The following CROCC2 variants were observed in gnomAD, a reference collection of about 807,000 sequenced individuals.
CROCC2 encodes the protein ciliary rootlet coiled-coil, rootletin family member 2.
Under a neutral mutation model 177.6 loss-of-function variants are expected in CROCC2, and 163 were observed. That is an observed-to-expected ratio of 0.92 (90% CI 0.81 to 1.05). The LOEUF (loss-of-function observed/expected upper bound fraction) is 1.05, where lower values mean the gene tolerates loss of function less well. Among genes scored for constraint, CROCC2 ranks in the 50% least tolerant of loss-of-function variants. The pLI is 0.00. For synonymous variants in CROCC2, 904 were observed against 787.3 expected, an observed-to-expected ratio of 1.15 and a Z score of -2.48; for missense variants, 1,929 against 1,797.8, an observed-to-expected ratio of 1.07 and a Z score of -1.32.
At chr2:240,931,485 C>A (rs2059430789) in intron 7 of CROCC2, among the ~76,000 whole-genome samples, 1 of 152,206 alleles carries the variant, frequency 6.6e-6, no homozygotes, top group Admixed American at 6.5e-5. Flanking sequence ...CATATAAAAA[C>A]CGAGGCAGGA....
At position 240,966,301 on chromosome 2, in the gene CROCC2, G is replaced by T. The variant is rs1410281503; in HGVS notation, c.4038G>T (p.Trp1346Cys). The change falls in exon 25 of 32, where the codon TGG (tryptophan) becomes TGT (cysteine). Residue 1346 changes from tryptophan to cysteine, a missense_variant. Trp to Cys is a radical substitution (Grantham distance 215). Coordinates refer to ENST00000690015, the MANE Select transcript of CROCC2 (RefSeq NM_001351305.2). ...CCAGGCCCCACTCGCCCCTCCGATG[G>T]CCCTCGCCCACACCCGGAGGCCGCA... ...PPARPHSPLR[W>C]PSPTPGGRSS... The T allele has an allele frequency of 6.8e-6, 3 of 439,624 alleles. No homozygotes were observed. Among genetic ancestry groups the T allele is most frequent in the Middle Eastern group, 3.0e-4 (1 of 3,284 alleles). 27.2% of individuals were successfully genotyped at this position (439,624 alleles called of 1,614,324 possible).
rs1170293815 is a variant in CROCC2, at chr2:240,932,794, T to C, written c.1137T>C (p.Arg379=). Residue 379 remains arginine, a synonymous_variant, in exon 9 of 32, where the codon CGT becomes CGC. Transcript: ENST00000690015. ...EPRRPLRSPQ[R]ATSPHQGASP... is the part of the protein sequence containing the mutation. ...GGCGCCCACTGAGGAGCCCCCAACGTGCCACATCCCCCCATCAAGGGGCGT... is the reference window on the plus strand; with the variant it reads ...GGCGCCCACTGAGGAGCCCCCAACGCGCCACATCCCCCCATCAAGGGGCGT... 3.4e-6 allele frequency: 5 copies of C among 1,476,104 alleles called. No individual in the cohort carries two copies. In the South Asian group the frequency reaches 6.1e-5, roughly 18 times the overall value. The allele number at this position is 1,476,104 out of a possible 1,614,324, so 91.4% of individuals were successfully genotyped here.
At chr2:240,966,777 G>A (rs1574785937) in intron 25 of CROCC2, among the ~76,000 whole-genome samples, 2 of 152,144 alleles carry the variant, frequency 1.3e-5, no homozygotes, top group Admixed American at 6.5e-5. Flanking sequence ...CTCCGGTGGG[G>A]CCAAGCTCCC....
At chr2:240,950,571 C>T (rs1334095342) in intron 18 of CROCC2, 61 bp downstream of exon 18, 2 of 1,493,800 alleles carry the variant, frequency 1.3e-6, no homozygotes, top group Non-Finnish European at 1.8e-6. Context: ...TCACCTCTGG[C>T]CCAGCACAAG....
At chr2:240,986,263 C>T (rs943385652) in intron 28 of CROCC2, among the ~76,000 whole-genome samples, 27 of 152,188 alleles carry the variant, frequency 1.8e-4, no homozygotes, top group African/African-American at 5.8e-4. Flanking sequence ...CCAGAGTCCC[C>T]GCGGAAGCTG....
intron 1 of CROCC2, among the ~76,000 whole-genome samples, chr2:240,912,033 G>A (rs1295889823): frequency 6.6e-6 from 1 of 152,174 alleles, no homozygotes; most frequent in Non-Finnish European, 1.5e-5. Context: ...GTCGCGCGGA[G>A]AGTCTACATT....
At chr2:240,907,067 T>G (rs4544434) in intron 1 of CROCC2, among the ~76,000 whole-genome samples, 1 of 151,850 alleles carries the variant, frequency 6.6e-6, no homozygotes, top group Non-Finnish European at 1.5e-5. Flanking sequence ...GGGGTGGGGA[T>G]GGGCAGGCAG....
chr2:240,933,619 G>T, intron 10 of CROCC2, 51 bp from the exon 11 acceptor site: 1 of 1,525,556 alleles, frequency 6.6e-7, no homozygotes, highest in Non-Finnish European at 8.9e-7. Context: ...GGCACGCGGT[G>T]CACCTTGAAT....
intron 28 of CROCC2, among the ~76,000 whole-genome samples, chr2:240,988,088 T>C (rs570392724): frequency 6.6e-6 from 1 of 151,926 alleles, no homozygotes; most frequent in South Asian, 2.1e-4. Context: ...CCTGCCAACT[T>C]TCCCATAGAA....
rs575681324 is a variant in CROCC2, at chr2:240,986,848, G to A, written c.4552-1891G>A. ...AGCCCCCTTCTGGGAGTAGGCAGGG[G>A]GCCCCCATCTGTGAAGTGGGGAAGG... is the stretch of plus-strand genomic sequence containing the variant. On this transcript the variant is annotated intron_variant, in intron 28 of 31. Coordinates refer to ENST00000690015, the MANE Select transcript of CROCC2 (RefSeq NM_001351305.2). 9.8e-5 allele frequency among the ~76,000 whole-genome samples: 15 copies of A among 152,326 alleles called. No homozygotes were observed. In the South Asian group the frequency reaches 1.7e-3, roughly 17 times the overall value.
rs1344960842 is a variant in CROCC2 at position 240,989,804 on chromosome 2, C to G, written c.4834C>G (p.Gln1612Glu). The change falls in exon 30 of 32, where the codon CAG (glutamine) becomes GAG (glutamate). Residue 1612 changes from glutamine to glutamate, a missense_variant. By Grantham distance (29) the Gln-to-Glu change is conservative. This residue lies in a region of CROCC2 where 388 missense variants were observed against 352.7 expected (regional missense o/e 1.10). Transcript: ENST00000690015. ...CCTGGAGTCCCAAGAATGGACCCAC[C>G]AGCAGCAGGTAAAGGTGCTGGAAGA... is the stretch of plus-strand genomic sequence containing the variant. ...QALESQEWTH[Q>E]QQVKVLEEQV... 1.3e-6 allele frequency: 2 copies of G among 1,548,320 alleles called. No homozygotes were observed. The highest frequency in any genetic ancestry group is 2.7e-5 in the African/African-American group (2 of 73,036).
chr2:240,952,050 TG>T (rs2059559612), intron 18 of CROCC2, among the ~76,000 whole-genome samples: 1 of 152,140 alleles, frequency 6.6e-6, no homozygotes, highest in South Asian at 2.1e-4. Context: ...TATAAGATGT[TG>T]GTACAAATTA....
intron 3 of CROCC2, 31 bp downstream of exon 3, chr2:240,920,165 G>A (rs371263329): frequency 2.7e-5 from 17 of 626,360 alleles, no homozygotes; most frequent in East Asian, 5.8e-5. Flanking sequence ...CAGGGCAGGC[G>A]GGAGGTGGCA....
intron 5 of CROCC2, chr2:240,929,765 C>A: frequency 2.1e-6 from 1 of 470,730 alleles, no homozygotes; most frequent in Non-Finnish European, 4.2e-6. Flanking sequence ...GGCAGGAGCC[C>A]TGTGCTGCAG....
At chr2:240,928,425 T>TGTGTGTGTGTGTGG in intron 5 of CROCC2, among the ~76,000 whole-genome samples, 1 of 144,302 alleles carries the variant, frequency 6.9e-6, no homozygotes, top group Non-Finnish European at 1.5e-5. Flanking sequence ...CTGTTTTGTG[T>TGTGTGTGTGTGTGG]GTGTGTGTGT....
intron 25 of CROCC2, among the ~76,000 whole-genome samples, 199 bp from the exon 26 acceptor site, chr2:240,967,146 C>A (rs2059689195): frequency 6.6e-6 from 1 of 152,134 alleles, no homozygotes; most frequent in Non-Finnish European, 1.5e-5. Context: ...CCCAGGCCTG[C>A]AGGTCAGCGC....
Position 240,973,131 on chromosome 2 carries a change from CCTGTTT to C in CROCC2, c.4401+4871_4401+4876del, listed in dbSNP as rs2059733814. On this transcript the variant is annotated intron_variant, in intron 27 of 31. Transcript: ENST00000690015. The surrounding 1 kb of genome is among the most constrained non-coding windows in gnomAD (Gnocchi z 4.7). ...TTTGCTTTCATGGGTTGGTTTTTCCCCTGTTTCACATAAGCCGATGTGTTTGTCAAG... is the reference window on the plus strand; with the variant it reads ...TTTGCTTTCATGGGTTGGTTTTTCCCCACATAAGCCGATGTGTTTGTCAAG... Among the ~76,000 whole-genome samples, 2 of 152,178 alleles carry C rather than the reference CCTGTTT, an allele frequency of 1.3e-5. No homozygotes were observed. The highest frequency in any genetic ancestry group is 4.8e-5 in the African/African-American group (2 of 41,442).
intron 27 of CROCC2, among the ~76,000 whole-genome samples, chr2:240,975,863 G>C (rs1378619570): frequency 6.6e-6 from 1 of 151,570 alleles, no homozygotes; most frequent in African/African-American, 2.4e-5. Context: ...CCAAGTAGCT[G>C]AGATTACAGG....
Position 240,965,724 on chromosome 2 carries a change from G to T in CROCC2, c.3692G>T (p.Arg1231Leu), listed in dbSNP as rs868619658. The part of the protein sequence containing the change: ...QRLQEHLRES[R>L]GAEQTLRAEL... ...CTCCAGGAGCACCTCCGTGAGAGCC[G>T]GGGGGCTGAGCAGACCCTCCGAGCA... is the stretch of plus-strand genomic sequence containing the variant. Residue 1231 changes from arginine to leucine, a missense_variant, in exon 24 of 32, where the codon CGG (arginine) becomes CTG (leucine). Around this residue, in one of 3 missense-constraint regions of CROCC2, gnomAD observed 144 missense variants for 205.2 expected, o/e 0.70. Transcript: ENST00000690015. The T allele has an allele frequency of 2.6e-6, 4 of 1,545,016 alleles. No homozygotes were observed. The highest frequency in any genetic ancestry group is 1.2e-5 in the South Asian group (1 of 82,742).
Sources: gnomAD v4.1 joint callset for allele counts (sites outside exome capture counted in the v4.1 genomes callset) on GRCh38, gnomAD v4.1.1 for gene constraint, gnomAD v4.1.1 regional missense constraint, Gnocchi (gnomAD v3.1) non-coding constraint, MANE v1.5 for transcripts, NCBI Gene and HGNC (gene_info 2026-07-23, HGNC 2026-07-21) for gene names.